Variants in CNTNAP2 observed in about 807,000 individuals in gnomAD.
CNTNAP2 encodes the protein contactin associated protein 2, also known as contactin-associated protein-like 2.
In CNTNAP2, 98 loss-of-function variants were observed where a neutral mutation model predicts 155.2. The observed-to-expected ratio is 0.63, with a 90% CI of 0.54 to 0.75. CNTNAP2 has a LOEUF of 0.75. Ranked by LOEUF, CNTNAP2 falls within the 30% of genes least tolerant of loss-of-function variation. The pLI, the probability that CNTNAP2 is intolerant of heterozygous loss-of-function variation, is 0.00. For missense variants in CNTNAP2, 1,727 were observed against 1,688.1 expected (o/e 1.02, Z -0.40); for synonymous variants, 651 against 631.2 (o/e 1.03, Z -0.47).
chr7:147,395,048 A>T (rs1490555678), intron 9 of CNTNAP2, among the ~76,000 whole-genome samples: 1 of 151,780 alleles, frequency 6.6e-6, no homozygotes, highest in Admixed American at 6.6e-5. Flanking sequence ...GTTCCCTTAG[A>T]TTTTATAAAT....
At chr7:148,128,068 C>A (rs1804752508) in intron 16 of CNTNAP2, among the ~76,000 whole-genome samples, 1 of 152,022 alleles carries the variant, frequency 6.6e-6, no homozygotes, top group South Asian at 2.1e-4. Flanking sequence ...CGGGGTTTCG[C>A]CATATTGCCC....
At chr7:147,784,316 A>C (rs1023043683) in intron 13 of CNTNAP2, among the ~76,000 whole-genome samples, 5 of 148,312 alleles carry the variant, frequency 3.4e-5, no homozygotes, top group Admixed American at 3.4e-4. Context: ...GTTAAGATAA[A>C]ACCAAACAAA....
intron 13 of CNTNAP2, among the ~76,000 whole-genome samples, chr7:147,668,727 A>C (rs183024132): frequency 1.0e-3 from 155 of 152,276 alleles, no homozygotes; most frequent in Non-Finnish European, 1.7e-3. Context: ...ATAAAAGAGT[A>C]AAAAATAATT....
rs756947754 is a variant in CNTNAP2 at position 146,839,826 on chromosome 7, T to C, written c.324T>C (p.Asp108=). The change falls in exon 3 of 24, where the codon GAT becomes GAC. Residue 108 remains aspartate (D), a synonymous_variant. Transcript: ENST00000361727. ...IATQGRYSSS[D]WVTQYRMLYS... is the part of the protein sequence containing the mutation. ...CCCAAGGAAGGTATAGCAGCTCAGATTGGGTGACCCAATACCGGATGCTCT... is the reference window on the plus strand; with the variant it reads ...CCCAAGGAAGGTATAGCAGCTCAGACTGGGTGACCCAATACCGGATGCTCT... 14 of 1,614,004 alleles carry C rather than the reference T, an allele frequency of 8.7e-6. No individual in the cohort carries two copies. The Admixed American group carries it at 1.0e-4, about 12-fold the overall frequency.
At chr7:147,218,778 C>T (rs1803330294) in intron 8 of CNTNAP2, among the ~76,000 whole-genome samples, 1 of 152,116 alleles carries the variant, frequency 6.6e-6, no homozygotes, top group African/African-American at 2.4e-5. Flanking sequence ...TATGTTTTTA[C>T]TGATTTTCTG....
chr7:147,759,039 A>G (rs1490068802), intron 13 of CNTNAP2, among the ~76,000 whole-genome samples: 1 of 152,006 alleles, frequency 6.6e-6, no homozygotes, highest in East Asian at 1.9e-4. Context: ...ATTGTTTTCT[A>G]TATAATAAGC....
intron 3 of CNTNAP2, among the ~76,000 whole-genome samples, chr7:146,888,782 G>A (rs1795719563): frequency 6.6e-6 from 1 of 152,100 alleles, no homozygotes; most frequent in African/African-American, 2.4e-5. Context: ...TTACCTACAT[G>A]TGGGTTAAAA....
intron 15 of CNTNAP2, among the ~76,000 whole-genome samples, chr7:148,043,536 A>G (rs2527052): frequency 0.36 from 54,423 of 152,124 alleles, 10,467 homozygotes; most frequent in East Asian, 0.76. Context: ...AATAAAGAAT[A>G]TCTTACAAAG....
chr7:147,762,455 T>C (rs1275962894), intron 13 of CNTNAP2, among the ~76,000 whole-genome samples: 1 of 152,002 alleles, frequency 6.6e-6, no homozygotes, highest in Non-Finnish European at 1.5e-5. Flanking sequence ...GCCTACTGAA[T>C]CTGAGCTGCT....
Position 148,420,055 on chromosome 7 carries a change from C to T in CNTNAP2, c.*4439C>T, listed in dbSNP as rs1800079899. The T allele has an allele frequency of 6.6e-6, 1 of 152,198 alleles. No homozygotes were observed. The highest frequency in any genetic ancestry group is 6.5e-5 in the Admixed American group (1 of 15,280). 9.4% of individuals were successfully genotyped at this position (152,198 alleles called of 1,614,324 possible). A position where few individuals can be genotyped will look rare whatever the true frequency, so the allele number is the denominator to read the frequency against. On this transcript the variant is annotated 3_prime_UTR_variant, in exon 24 of 24. Transcript: ENST00000361727. ...ATCAAAAGACAAATGTGGCCACGTT[C>T]AGGAATTGGAGACTTACTGGCATGG...
At chr7:148,049,383 A>T (rs1450214753) in intron 15 of CNTNAP2, among the ~76,000 whole-genome samples, 1 of 152,232 alleles carries the variant, frequency 6.6e-6, no homozygotes, top group Non-Finnish European at 1.5e-5. Context: ...AATGTCAATT[A>T]TATATGTATA....
intron 8 of CNTNAP2, among the ~76,000 whole-genome samples, chr7:147,229,874 C>T (rs1467070724): frequency 2.6e-5 from 4 of 152,074 alleles, no homozygotes; most frequent in Non-Finnish European, 5.9e-5. Context: ...TAATCCATGG[C>T]TCTATTAATG....
intron 10 of CNTNAP2, among the ~76,000 whole-genome samples, chr7:147,436,365 T>G (rs1479701979): frequency 2.0e-5 from 3 of 152,128 alleles, no homozygotes; most frequent in Non-Finnish European, 4.4e-5. Flanking sequence ...AATTTTAAAT[T>G]TCAGTTAAAA....
chr7:147,885,508 AC>A (rs1799587865), intron 13 of CNTNAP2, among the ~76,000 whole-genome samples: 1 of 150,178 alleles, frequency 6.7e-6, no homozygotes, highest in Non-Finnish European at 1.5e-5. Context: ...TTCATTCAGA[AC>A]TCCACCCCCC....
intron 1 of CNTNAP2, among the ~76,000 whole-genome samples, chr7:146,721,402 CTATA>C (rs1319843285): frequency 3.9e-5 from 5 of 127,170 alleles, no homozygotes; most frequent in Non-Finnish European, 6.2e-5. Context: ...TATATACATT[CTATA>C]TATATTCTAT....
chr7:148,280,641 G>A (rs930540865), intron 21 of CNTNAP2, among the ~76,000 whole-genome samples: 3 of 152,058 alleles, frequency 2.0e-5, no homozygotes, highest in African/African-American at 2.4e-5. Flanking sequence ...ATAAAAAGCC[G>A]GGCACGGTGG....
Position 146,980,795 on chromosome 7 carries a change from C to T in CNTNAP2, c.403-63112C>T, listed in dbSNP as rs528979613. Reference sequence around the variant, plus strand: ...CTACCACCAGGCCCCGCCTCCAACACGGAATTACATTTCCACATGAGATTC... The same window carrying T: ...CTACCACCAGGCCCCGCCTCCAACATGGAATTACATTTCCACATGAGATTC... On this transcript the variant is annotated intron_variant, in intron 3 of 23. Transcript: ENST00000361727. 1.6e-4 allele frequency among the ~76,000 whole-genome samples: 24 copies of T among 152,254 alleles called. No homozygotes were observed. In the South Asian group the frequency reaches 4.6e-3, roughly 29 times the overall value.
chr7:146,645,210 C>T (rs1256379165), intron 1 of CNTNAP2, among the ~76,000 whole-genome samples: 1 of 152,054 alleles, frequency 6.6e-6, no homozygotes, highest in Non-Finnish European at 1.5e-5. Context: ...ATTTACAATT[C>T]CCTGAATGAA....
At chr7:146,232,208 T>G (rs1799396834) in intron 1 of CNTNAP2, among the ~76,000 whole-genome samples, 1 of 150,792 alleles carries the variant, frequency 6.6e-6, no homozygotes, top group South Asian at 2.1e-4. Flanking sequence ...AAGCTTGTTA[T>G]GTATATAAAA....
Sources: allele counts gnomAD v4.1 joint callset (sites outside exome capture counted in the v4.1 genomes callset), GRCh38; gene constraint gnomAD v4.1.1; transcripts MANE v1.5; gene names NCBI Gene and HGNC (gene_info 2026-07-23, HGNC 2026-07-21).